BABAM2: variants seen among roughly 807,000 people sequenced by gnomAD.
BABAM2 encodes the protein BRISC and BRCA1 A complex member 2.
Under a neutral mutation model 54.7 loss-of-function variants are expected in BABAM2, and 31 were observed. The ratio of observed to expected loss-of-function variants is 0.57; its 90% confidence interval spans 0.43 to 0.77. The LOEUF is 0.77. Among genes scored for constraint, BABAM2 ranks in the 30% least tolerant of loss-of-function variants. The pLI is 0.00. For synonymous variants in BABAM2, 167 were observed against 162.9 expected (o/e 1.03, Z -0.19); for missense variants, 364 against 455.8 (o/e 0.80, Z 1.83).
intron 5 of BABAM2, among the ~76,000 whole-genome samples, chr2:28,043,004 A>C (rs1677240698): frequency 6.6e-6 from 1 of 151,894 alleles, no homozygotes. Flanking sequence ...AGCCTGGGGG[A>C]CAGAGTGAGA....
chr2:27,971,944 T>TTATTGCTCAATAAAG (rs1671252571), intron 3 of BABAM2, among the ~76,000 whole-genome samples: 1 of 152,170 alleles, frequency 6.6e-6, no homozygotes, highest in East Asian at 1.9e-4. Flanking sequence ...AGTAGAATAT[T>TTATTGCTCAATAAAG]TATTGCTCAA....
intron 7 of BABAM2, among the ~76,000 whole-genome samples, chr2:28,215,604 C>T (rs1679850935): frequency 1.3e-5 from 2 of 152,154 alleles, no homozygotes; most frequent in African/African-American, 2.4e-5. Flanking sequence ...TTTTATCTTG[C>T]ATCCATCCAA....
intron 10 of BABAM2, among the ~76,000 whole-genome samples, chr2:28,263,608 A>G (rs994062589): frequency 2.0e-5 from 3 of 152,252 alleles, no homozygotes; most frequent in African/African-American, 7.2e-5. Flanking sequence ...GCCATAAAAT[A>G]GTACCATTTT....
chr2:27,994,364 G>C (rs886887702), intron 4 of BABAM2, among the ~76,000 whole-genome samples: 2 of 152,050 alleles, frequency 1.3e-5, no homozygotes, highest in African/African-American at 4.8e-5. Context: ...TATAAATCAC[G>C]TGTATAGCAT....
intron 10 of BABAM2, among the ~76,000 whole-genome samples, chr2:28,246,568 C>T (rs1281129420): frequency 2.0e-5 from 3 of 152,158 alleles, no homozygotes; most frequent in African/African-American, 4.8e-5. Context: ...TGGACAACTC[C>T]ATCACAGCAG....
intron 5 of BABAM2, among the ~76,000 whole-genome samples, chr2:28,029,087 G>A (rs1365386814): frequency 2.0e-5 from 3 of 152,054 alleles, no homozygotes; most frequent in Non-Finnish European, 4.4e-5. Context: ...TTTCTTAAAG[G>A]TTATGATTTT....
chr2:28,234,409 T>TA (rs1681713516), intron 7 of BABAM2, among the ~76,000 whole-genome samples: 1 of 152,122 alleles, frequency 6.6e-6, no homozygotes, highest in Non-Finnish European at 1.5e-5. Flanking sequence ...AATTTTTGTC[T>TA]AACGGCTGTA....
At chr2:28,310,334 C>T in intron 11 of BABAM2, 1 of 578,226 alleles carries the variant, frequency 1.7e-6, no homozygotes. Flanking sequence ...TACAGCCCAG[C>T]TCAGTCTCCT....
At chr2:28,178,127 T>C (rs1304947223) in intron 7 of BABAM2, among the ~76,000 whole-genome samples, 1 of 152,130 alleles carries the variant, frequency 6.6e-6, no homozygotes, top group South Asian at 2.1e-4. Flanking sequence ...GAATTTAAAC[T>C]GCACTTTAGA....
At chr2:27,989,032 A>G (rs1291876575) in intron 4 of BABAM2, among the ~76,000 whole-genome samples, 2 of 152,228 alleles carry the variant, frequency 1.3e-5, no homozygotes, top group Non-Finnish European at 2.9e-5. Context: ...ACATTAGAAC[A>G]TAGCTGTAAA....
At chr2:28,292,136 G>T (rs539100778) in intron 10 of BABAM2, among the ~76,000 whole-genome samples, 1 of 152,148 alleles carries the variant, frequency 6.6e-6, no homozygotes, top group African/African-American at 2.4e-5. Flanking sequence ...CTTCCCTGCC[G>T]ACCCAAGATA....
chr2:27,941,029 T>C (rs911315097), intron 3 of BABAM2, among the ~76,000 whole-genome samples: 1 of 152,092 alleles, frequency 6.6e-6, no homozygotes, highest in Admixed American at 6.6e-5. Flanking sequence ...GAGGTTGTCA[T>C]TGAGTTTAAA....
intron 7 of BABAM2, among the ~76,000 whole-genome samples, chr2:28,146,290 C>T (rs1029402544): frequency 2.0e-5 from 3 of 152,162 alleles, no homozygotes; most frequent in Non-Finnish European, 4.4e-5. Flanking sequence ...CTTAAGCTCA[C>T]TTGTTGAAGT....
chr2:28,091,115 A>G (rs1212681738), intron 6 of BABAM2, among the ~76,000 whole-genome samples: 1 of 152,194 alleles, frequency 6.6e-6, no homozygotes, highest in Non-Finnish European at 1.5e-5. Flanking sequence ...CAGATTTTCT[A>G]TAAAGATAAG....
Position 28,254,728 on chromosome 2 carries a change from A to ATT in BABAM2, c.934+9886_934+9887dup, listed in dbSNP as rs759661036. Reference sequence around the variant, plus strand: ...TCTAACAGATAAGGATTTTTTTTCAATTTTTTTTTTTTTTTTTTTTTGAGA... The same window carrying ATT: ...TCTAACAGATAAGGATTTTTTTTCAATTTTTTTTTTTTTTTTTTTTTTTGAGA... On this transcript the variant is annotated intron_variant, in intron 10 of 11. Transcript: ENST00000379624. Among the ~76,000 whole-genome samples, 1,077 of 122,346 alleles carry ATT rather than the reference A, an allele frequency of 8.8e-3. 15 individuals are homozygous for ATT. The highest frequency in any genetic ancestry group is 0.023 in the African/African-American group (767 of 33,322). 80.3% of individuals were successfully genotyped at this position (122,346 alleles called of 152,430 possible).
intron 7 of BABAM2, among the ~76,000 whole-genome samples, chr2:28,143,101 G>A (rs1224600995): frequency 6.6e-6 from 1 of 151,720 alleles, no homozygotes; most frequent in Non-Finnish European, 1.5e-5. Flanking sequence ...ATCATCAGTA[G>A]GGAAACAACC....
At chr2:28,143,144 A>T (rs1249380436) in intron 7 of BABAM2, among the ~76,000 whole-genome samples, 2 of 149,892 alleles carry the variant, frequency 1.3e-5, no homozygotes, top group Non-Finnish European at 3.0e-5. Flanking sequence ...TGGATAAAGA[A>T]ATATATATAT....
At chr2:28,278,654 A>T (rs1428791469) in intron 10 of BABAM2, among the ~76,000 whole-genome samples, 2 of 152,218 alleles carry the variant, frequency 1.3e-5, no homozygotes, top group Non-Finnish European at 2.9e-5. Flanking sequence ...AGTAGAAGCC[A>T]CAGAGCTGGT....
At chr2:28,156,283 C>T (rs1331689205) in intron 7 of BABAM2, among the ~76,000 whole-genome samples, 6 of 152,128 alleles carry the variant, frequency 3.9e-5, no homozygotes, top group Admixed American at 3.9e-4. Context: ...GTTATGAATG[C>T]CCCTTTTTGT....
Sources: gnomAD v4.1 joint callset for allele counts (sites outside exome capture counted in the v4.1 genomes callset) on GRCh38, gnomAD v4.1.1 for gene constraint, MANE v1.5 for transcripts, NCBI Gene and HGNC (gene_info 2026-07-23, HGNC 2026-07-21) for gene names.